PLCG2: variants seen among roughly 807,000 people sequenced by gnomAD.
PLCG2 encodes the protein 1-phosphatidylinositol 4,5-bisphosphate phosphodiesterase gamma-2.
Under a neutral mutation model 175.6 loss-of-function variants are expected in PLCG2, and 69 were observed. The ratio of observed to expected loss-of-function variants is 0.39; its 90% CI spans 0.32 to 0.48. The LOEUF (loss-of-function observed/expected upper bound fraction) is 0.48, where lower values mean the gene tolerates loss of function less well. Ranked by LOEUF, PLCG2 falls within the 20% of genes least tolerant of loss-of-function variation. PLCG2 has a pLI of 0.91. For synonymous variants in PLCG2, 827 were observed against 624.0 expected (o/e 1.33, Z -4.85); for missense variants, 1,798 against 1,650.9 (o/e 1.09, Z -1.54).
intron 28 of PLCG2, chr16:81,938,599 G>C: frequency 1.7e-6 from 1 of 576,418 alleles, no homozygotes; most frequent in African/African-American, 1.9e-5. Context: ...CGAGACCCAG[G>C]CTGATGCTGA....
In PLCG2 at chr16:81,912,724, C is replaced by T. The variant is rs757609061; in HGVS notation, c.2054+8C>T. The T allele has an allele frequency of 1.1e-5, 18 of 1,590,982 alleles. No individual in the cohort carries two copies. The highest frequency in any genetic ancestry group is 3.5e-5 in the Admixed American group (2 of 57,598). ...CTATGCCATCACCTTCAGGTGGGTG[C>T]GAGGGTGGGAGGCACATGCTCTACA... On this transcript the variant is annotated splice_region_variant and intron_variant, in intron 19 of 32. Coordinates refer to ENST00000564138, the MANE Select transcript of PLCG2 (RefSeq NM_002661.5).
chr16:81,778,881 G>T (rs1328448331), upstream of PLCG2, among the ~76,000 whole-genome samples: 1 of 152,134 alleles, frequency 6.6e-6, no homozygotes, highest in Non-Finnish European at 1.5e-5. Context: ...TTGCTGTCTC[G>T]AACTCTCGAG....
intron 27 of PLCG2, among the ~76,000 whole-genome samples, chr16:81,936,625 G>C (rs1451926690): frequency 2.0e-5 from 3 of 152,202 alleles, no homozygotes; most frequent in African/African-American, 7.2e-5. Flanking sequence ...GGCTGAGTTA[G>C]TCTGGCTTAG....
intron 12 of PLCG2, among the ~76,000 whole-genome samples, chr16:81,894,646 G>A (rs1171205650): frequency 1.3e-5 from 2 of 152,180 alleles, no homozygotes; most frequent in African/African-American, 4.8e-5. Context: ...GTCGAGGTGG[G>A]CGGATCACTT....
At chr16:81,915,825 T>C (rs1909817482) in intron 19 of PLCG2, among the ~76,000 whole-genome samples, 1 of 152,156 alleles carries the variant, frequency 6.6e-6, no homozygotes, top group Non-Finnish European at 1.5e-5. Flanking sequence ...TAAAAAGTTT[T>C]AAAATTAATT....
chr16:81,827,068 G>C (rs543228019), intron 2 of PLCG2, among the ~76,000 whole-genome samples: 1 of 152,278 alleles, frequency 6.6e-6, no homozygotes, highest in East Asian at 1.9e-4. Flanking sequence ...CCATGATTGT[G>C]CTGTGGCCTA....
chr16:81,962,064 G>A lies in PLCG2; in HGVS notation c.*4066G>A, dbSNP rs570852074. The A allele has an allele frequency of 9.3e-4, 174 of 187,762 alleles. 2 individuals are homozygous for A. The South Asian group carries it at 0.02, about 22-fold the overall frequency. The allele number at this position is 187,762 out of a possible 1,614,324, so 11.6% of individuals were successfully genotyped here. A position where few individuals can be genotyped will look rare whatever the true frequency, so the allele number is the denominator to read the frequency against. On this transcript the variant is annotated 3_prime_UTR_variant, in exon 33 of 33. Transcript: ENST00000564138. ...CGTCCCTCCCGAAGCTGCGCGCTCCGTCGAAGAGGACGACCAACCCCGATA... is the reference window on the plus strand; with the variant it reads ...CGTCCCTCCCGAAGCTGCGCGCTCCATCGAAGAGGACGACCAACCCCGATA...
In PLCG2 at chr16:81,961,082, G is replaced by GT. The variant is rs200176118; in HGVS notation, c.*3089dup. On this transcript the variant is annotated 3_prime_UTR_variant, in exon 33 of 33. Transcript: ENST00000564138. ...ATCTTTTTGCAAATGGATTTTCCAA[G>GT]TTTTTCTGGTGGTTCCAAATTTTTT... is the stretch of plus-strand genomic sequence containing the variant. 5,107 of 231,582 alleles carry GT rather than the reference G, an allele frequency of 0.022. 81 individuals carry two copies. The highest frequency in any genetic ancestry group is 0.034 in the South Asian group (187 of 5,514). 14.3% of individuals were successfully genotyped at this position (231,582 alleles called of 1,614,324 possible). A position where few individuals can be genotyped will look rare whatever the true frequency, so the allele number is the denominator to read the frequency against.
At chr16:81,794,764 C>T (rs1158713559) in intron 2 of PLCG2, among the ~76,000 whole-genome samples, 1 of 152,212 alleles carries the variant, frequency 6.6e-6, no homozygotes, top group African/African-American at 2.4e-5. Flanking sequence ...TCATTATCAT[C>T]ATCCAGCATA....
Position 81,936,328 on chromosome 16 carries a change from G to C in PLCG2, c.3002G>C (p.Arg1001Pro). The C allele has an allele frequency of 6.2e-7, 1 of 1,614,190 alleles. No individual in the cohort carries two copies. Among genetic ancestry groups the C allele is most frequent in the Non-Finnish European group, 8.5e-7 (1 of 1,180,040 alleles). Residue 1001 changes from arginine (R) to proline (P), a missense_variant, in exon 27 of 33, where the codon CGC (arginine) becomes CCC (proline). Coordinates refer to ENST00000564138, the MANE Select transcript of PLCG2 (RefSeq NM_002661.5). The stretch of plus-strand genomic sequence containing the variant: ...GACTCTTCAAACTACGACCCCTTCC[G>C]CCTCTGGCTGTGCGGTTCTCAGATG... The part of the protein sequence containing the change: ...RVDSSNYDPF[R>P]LWLCGSQMVA...
At position 81,781,423 on chromosome 16, in the gene PLCG2, C is replaced by T. The variant is rs76637735; in HGVS notation, c.-48+1999C>T. Among the ~76,000 whole-genome samples, 808 of 134,880 alleles carry T rather than the reference C, an allele frequency of 6.0e-3. 6 individuals carry two copies. Among genetic ancestry groups the T allele is most frequent in the Non-Finnish European group, 9.2e-3 (574 of 62,728 alleles). 88.5% of individuals were successfully genotyped at this position (134,880 alleles called of 152,430 possible). A position where few individuals can be genotyped will look rare whatever the true frequency, so the allele number is the denominator to read the frequency against. On this transcript the variant is annotated intron_variant, in intron 1 of 32. Transcript: ENST00000564138. ...GAGCAGTTGTTTTCTGTTTTTTTTT[C>T]TTTTTTTGTATTTCTATTGCAACTA...
At chr16:81,740,439 G>A (rs1468817515) in intron 1 of PLCG2, 1 of 152,212 alleles carries the variant, frequency 6.6e-6, no homozygotes, top group East Asian at 1.9e-4. Context: ...GAGGCTCTGG[G>A]AGTAAAGCTT....
In PLCG2 at chr16:81,958,011, G is replaced by C; in HGVS notation, c.*13G>C. The C allele has an allele frequency of 6.3e-7, 1 of 1,591,636 alleles. No individual in the cohort carries two copies. The highest frequency in any genetic ancestry group is 8.6e-7 in the Non-Finnish European group (1 of 1,159,438). On this transcript the variant is annotated 3_prime_UTR_variant, in exon 33 of 33. Coordinates refer to ENST00000564138, the MANE Select transcript of PLCG2 (RefSeq NM_002661.5). ...GTTTTACTCATAGAAGCTGGGGTAT[G>C]TGTGTAAGGGTATTGTGTGTGTGCG...
chr16:81,841,788 C>G (rs1277609859), intron 2 of PLCG2, among the ~76,000 whole-genome samples: 1 of 152,188 alleles, frequency 6.6e-6, no homozygotes, highest in East Asian at 1.9e-4. Flanking sequence ...TGTATCTCAC[C>G]TATTCCCCCA....
At chr16:81,796,342 C>G (rs1166963466) in intron 2 of PLCG2, among the ~76,000 whole-genome samples, 1 of 152,248 alleles carries the variant, frequency 6.6e-6, no homozygotes, top group Non-Finnish European at 1.5e-5. Flanking sequence ...GGATGGACCC[C>G]TGAGAGAGAG....
At chr16:81,925,044 G>A (rs1910207090) in intron 22 of PLCG2, among the ~76,000 whole-genome samples, 2 of 152,222 alleles carry the variant, frequency 1.3e-5, no homozygotes, top group African/African-American at 4.8e-5. Flanking sequence ...TGGAGTTGTG[G>A]CTGGAGCCCA....
intron 2 of PLCG2, among the ~76,000 whole-genome samples, chr16:81,807,424 T>G (rs1904286258): frequency 6.6e-6 from 1 of 152,182 alleles, no homozygotes; most frequent in Non-Finnish European, 1.5e-5. Flanking sequence ...GGTTTCAGGC[T>G]GAAGCATTTT....
chr16:81,849,629 G>T (rs1043422527), intron 2 of PLCG2, among the ~76,000 whole-genome samples: 11 of 151,996 alleles, frequency 7.2e-5, no homozygotes. Flanking sequence ...AAATTTTCCA[G>T]GTCTGGTGGC....
chr16:81,805,660 T>C (rs2143269898), intron 2 of PLCG2, among the ~76,000 whole-genome samples: 1 of 151,694 alleles, frequency 6.6e-6, no homozygotes, highest in South Asian at 2.1e-4. Context: ...TTGCCATCCA[T>C]GTCTCCATCC....
Sources: allele counts gnomAD v4.1 joint callset (sites outside exome capture counted in the v4.1 genomes callset), GRCh38; gene constraint gnomAD v4.1.1; transcripts MANE v1.5; gene names NCBI Gene and HGNC (gene_info 2026-07-23, HGNC 2026-07-21).